Variants in STAC observed in about 807,000 individuals in gnomAD.
The protein encoded by STAC is SH3 and cysteine-rich domain-containing protein.
Under a neutral mutation model 48.8 loss-of-function variants are expected in STAC, and 43 were observed. The observed-to-expected ratio is 0.88, with a 90% CI of 0.69 to 1.14. The LOEUF is 1.14. Among genes scored for constraint, STAC ranks in the 50% most tolerant of loss-of-function variants. The pLI is 0.00. For missense variants in STAC, 497 were observed against 504.0 expected, an observed-to-expected ratio of 0.99 and a Z score of 0.13; for synonymous variants, 193 against 179.5, an observed-to-expected ratio of 1.07 and a Z score of -0.60.
Position 36,493,131 on chromosome 3 carries a change from T to C in STAC, c.688-20T>C. 3.0e-6 allele frequency: 4 copies of C among 1,315,550 alleles called. No individual in the cohort carries two copies. Among genetic ancestry groups the C allele is most frequent in the Non-Finnish European group, 4.1e-6 (4 of 986,466 alleles). The allele number at this position is 1,315,550 out of a possible 1,614,324, so 81.5% of individuals were successfully genotyped here. ...AGATATAACATTGTTCATCCCATGCTCTTTCTTCTTTCCTCCAAGACTTCA... is the reference window on the plus strand; with the variant it reads ...AGATATAACATTGTTCATCCCATGCCCTTTCTTCTTTCCTCCAAGACTTCA... On this transcript the variant is annotated intron_variant, in intron 5 of 10. Coordinates refer to ENST00000273183, the MANE Select transcript of STAC (RefSeq NM_003149.3).
intron 10 of STAC, among the ~76,000 whole-genome samples, chr3:36,543,655 T>C (rs1699379862): frequency 6.6e-6 from 1 of 152,140 alleles, no homozygotes; most frequent in African/African-American, 2.4e-5. Context: ...TGAACCTCAG[T>C]GGTGTTTTTG....
chr3:36,405,860 C>T (rs1031935437), intron 1 of STAC, among the ~76,000 whole-genome samples: 3 of 152,176 alleles, frequency 2.0e-5, no homozygotes, highest in African/African-American at 7.2e-5. Flanking sequence ...GCTGGGACTA[C>T]AGGCGCATGC....
At chr3:36,405,197 C>T (rs963765658) in intron 1 of STAC, among the ~76,000 whole-genome samples, 1 of 152,124 alleles carries the variant, frequency 6.6e-6, no homozygotes, top group Admixed American at 6.5e-5. Context: ...CATGCTTAAA[C>T]CCGAATGCAA....
chr3:36,504,922 G>T (rs1698365559), intron 7 of STAC, among the ~76,000 whole-genome samples: 1 of 151,800 alleles, frequency 6.6e-6, no homozygotes, highest in South Asian at 2.1e-4. Context: ...TATATAGTTA[G>T]ATATATGATG....
intron 1 of STAC, among the ~76,000 whole-genome samples, chr3:36,437,453 A>G (rs1460457400): frequency 1.3e-5 from 2 of 151,962 alleles, no homozygotes; most frequent in African/African-American, 4.8e-5. Context: ...GCCATAAAAA[A>G]TGATGAGTTC....
chr3:36,428,989 C>T (rs1009500376), intron 1 of STAC, among the ~76,000 whole-genome samples: 3 of 151,950 alleles, frequency 2.0e-5, no homozygotes, highest in Admixed American at 1.3e-4. Flanking sequence ...TTGAGGATGG[C>T]GGTTGTACAG....
chr3:36,535,031 G>T (rs1240226428), intron 10 of STAC, among the ~76,000 whole-genome samples: 4 of 152,014 alleles, frequency 2.6e-5, no homozygotes. Context: ...TTCTTTAATG[G>T]GAATAACATT....
intron 10 of STAC, among the ~76,000 whole-genome samples, chr3:36,533,971 T>C (rs990586703): frequency 6.6e-6 from 1 of 152,186 alleles, no homozygotes; most frequent in East Asian, 1.9e-4. Context: ...ATAAAGATAG[T>C]ATCAATTTTT....
chr3:36,544,927 G>A (rs898374566), intron 10 of STAC, among the ~76,000 whole-genome samples: 7 of 152,128 alleles, frequency 4.6e-5, no homozygotes, highest in African/African-American at 7.2e-5. Context: ...TCTGAAGCAC[G>A]AGTCAGATAC....
chr3:36,463,578 T>C (rs1201399178), intron 2 of STAC, among the ~76,000 whole-genome samples: 2 of 151,770 alleles, frequency 1.3e-5, no homozygotes, highest in Non-Finnish European at 2.9e-5. Context: ...GTTAGTTACA[T>C]ATATATACAT....
At chr3:36,445,529 T>C (rs1003420763) in intron 2 of STAC, among the ~76,000 whole-genome samples, 3 of 152,092 alleles carry the variant, frequency 2.0e-5, no homozygotes, top group Non-Finnish European at 2.9e-5. Flanking sequence ...GAAATGGAGA[T>C]GAAGTAGGGG....
Position 36,403,315 on chromosome 3 carries a change from G to C in STAC, c.111+22561G>C, listed in dbSNP as rs934518666. On this transcript the variant is annotated intron_variant, in intron 1 of 10. Coordinates refer to ENST00000273183, the MANE Select transcript of STAC (RefSeq NM_003149.3). ...CTCCCAATACATAGAACAAACGACA[G>C]ATAATTAATAAAAGAAAGGTCTTGA... Among the ~76,000 whole-genome samples, 4 of 151,912 alleles carry C rather than the reference G, an allele frequency of 2.6e-5. No individual in the cohort carries two copies. The East Asian group carries it at 7.7e-4, about 29-fold the overall frequency.
At chr3:36,433,829 T>A (rs73063829) in intron 1 of STAC, among the ~76,000 whole-genome samples, 35,117 of 152,094 alleles carry the variant, frequency 0.23, 4,283 homozygotes, top group Non-Finnish European at 0.25. Flanking sequence ...GCAATCAATC[T>A]TATCTAATAA....
intron 1 of STAC, among the ~76,000 whole-genome samples, chr3:36,408,128 T>C (rs1241645380): frequency 6.6e-6 from 1 of 152,214 alleles, no homozygotes; most frequent in African/African-American, 2.4e-5. Context: ...GGGTGGACTC[T>C]TGTATACAAT....
chr3:36,484,804 GC>G, intron 3 of STAC, among the ~76,000 whole-genome samples, 172 bp from the exon 4 acceptor site: 1 of 152,266 alleles, frequency 6.6e-6, no homozygotes, highest in Admixed American at 6.5e-5. Context: ...ATTCCTCCCT[GC>G]CTCTGTGTCC....
At chr3:36,545,087 C>A (rs988580949) in intron 10 of STAC, among the ~76,000 whole-genome samples, 1 of 152,164 alleles carries the variant, frequency 6.6e-6, no homozygotes, top group Non-Finnish European at 1.5e-5. Flanking sequence ...TGGGTGCACT[C>A]ATCTCCCAGT....
At chr3:36,471,946 C>T (rs888240604) in intron 2 of STAC, among the ~76,000 whole-genome samples, 1 of 152,198 alleles carries the variant, frequency 6.6e-6, no homozygotes. Flanking sequence ...CTAGGCAGTG[C>T]CCCAGTAGGG....
intron 8 of STAC, among the ~76,000 whole-genome samples, chr3:36,520,358 C>T (rs112660392): frequency 7.9e-5 from 12 of 152,276 alleles, no homozygotes; most frequent in South Asian, 4.2e-4. Flanking sequence ...TATCTGAGAA[C>T]AACTGTGACT....
intron 10 of STAC, among the ~76,000 whole-genome samples, chr3:36,537,930 T>G (rs1699236696): frequency 6.6e-6 from 1 of 151,984 alleles, no homozygotes; most frequent in African/African-American, 2.4e-5. Context: ...TCATTTATTA[T>G]TTGTGTTCTA....
Sources: gnomAD v4.1 joint callset for allele counts (sites outside exome capture counted in the v4.1 genomes callset) on GRCh38, gnomAD v4.1.1 for gene constraint, MANE v1.5 for transcripts, NCBI Gene and HGNC (gene_info 2026-07-23, HGNC 2026-07-21) for gene names.